TUT4: variants seen among roughly 807,000 people sequenced by gnomAD.
TUT4 encodes the protein terminal uridylyl transferase 4, also known as terminal uridylyltransferase 4.
TUT4 carries 36 observed loss-of-function variants against 192.2 expected under a neutral mutation model. The ratio of observed to expected loss-of-function variants is 0.19; its 90% confidence interval spans 0.14 to 0.25. The LOEUF is 0.25. TUT4 is among the 10% of genes least tolerant of loss of function. The pLI is 1.00. For missense variants in TUT4, 1,493 were observed against 1,957.2 expected (o/e 0.76, Z 4.47); for synonymous variants, 618 against 666.0 (o/e 0.93, Z 1.11).
chr1:52,447,234 G>A (rs1369070130), intron 20 of TUT4, among the ~76,000 whole-genome samples: 1 of 152,130 alleles, frequency 6.6e-6, no homozygotes, highest in Non-Finnish European at 1.5e-5. Context: ...TGGATCATGA[G>A]GTCAGGAGTT....
At chr1:52,490,661 A>C in intron 8 of TUT4, 71 bp downstream of exon 8, 1 of 1,353,664 alleles carries the variant, frequency 7.4e-7, no homozygotes, top group East Asian at 2.4e-5. Flanking sequence ...TTTTTCTCTT[A>C]AAGATCATTC....
chr1:52,472,127 A>T (rs1665931318), intron 13 of TUT4, 25 bp from the exon 14 acceptor site: 1 of 1,605,948 alleles, frequency 6.2e-7, no homozygotes, highest in South Asian at 1.1e-5. Context: ...AAAGAAATCT[A>T]ATCTAATAAA....
Position 52,552,748 on chromosome 1 carries a change from C to A in TUT4, c.-94+183G>T, listed in dbSNP as rs1689802690. Among the ~76,000 whole-genome samples the A allele has an allele frequency of 4.6e-5, 7 of 152,344 alleles. 1 individual carries two copies. In the South Asian group the frequency reaches 1.4e-3, roughly 32 times the overall value. On this transcript the variant is annotated intron_variant, in intron 1 of 29. Transcript: ENST00000257177. ...CTTATCTCAGCCTTCCCCTGGGACA[C>A]CCGAAGCCCGTTCCAGGAAAGAAAG...
At chr1:52,440,433 G>GT (rs908687717) in intron 24 of TUT4, among the ~76,000 whole-genome samples, 16,564 of 110,100 alleles carry the variant, frequency 0.15, 2,021 homozygotes, top group African/African-American at 0.36. Flanking sequence ...CCCATCCTGT[G>GT]TTTTTTTTTT....
At chr1:52,468,428 G>A in intron 14 of TUT4, 161 bp from the exon 15 acceptor site, 2 of 537,126 alleles carry the variant, frequency 3.7e-6, no homozygotes, top group Non-Finnish European at 6.3e-6. Flanking sequence ...GAAGGGTCTG[G>A]GAGATAGAAG....
At chr1:52,511,239 A>T (rs1263216168) in intron 3 of TUT4, among the ~76,000 whole-genome samples, 1 of 152,220 alleles carries the variant, frequency 6.6e-6, no homozygotes, top group Non-Finnish European at 1.5e-5. Context: ...ACAAGTAAAT[A>T]AGAAAAGTTG....
At chr1:52,541,843 T>C (rs141101744) in intron 1 of TUT4, among the ~76,000 whole-genome samples, 43 of 152,358 alleles carry the variant, frequency 2.8e-4, no homozygotes, top group Middle Eastern at 3.4e-3. Flanking sequence ...CAACAATTCC[T>C]ATTCTAAGTA....
At chr1:52,488,795 TC>T in intron 9 of TUT4, 113 bp downstream of exon 9, 1 of 1,141,294 alleles carries the variant, frequency 8.8e-7, no homozygotes, top group Non-Finnish European at 1.2e-6. Context: ...AACTACTTTC[TC>T]CCACATGTTA....
chr1:52,514,386 A>C (rs1321251416), intron 3 of TUT4, among the ~76,000 whole-genome samples: 3 of 152,224 alleles, frequency 2.0e-5, no homozygotes, highest in African/African-American at 7.2e-5. Flanking sequence ...GGTTGCAGTG[A>C]GCTGAGATCA....
chr1:52,543,351 A>G (rs1687217955), intron 1 of TUT4, among the ~76,000 whole-genome samples: 1 of 152,216 alleles, frequency 6.6e-6, no homozygotes, highest in Non-Finnish European at 1.5e-5. Context: ...ATCAAAAAGA[A>G]TAAAGTACTA....
At chr1:52,444,981 G>GTA (rs573044412) in intron 24 of TUT4, among the ~76,000 whole-genome samples, 4 of 149,642 alleles carry the variant, frequency 2.7e-5, no homozygotes, top group East Asian at 3.9e-4. Flanking sequence ...GTATATGTGT[G>GTA]TATATATATG....
At position 52,544,989 on chromosome 1, in the gene TUT4, C is replaced by A. The variant is rs374312424; in HGVS notation, c.-94+7942G>T. ...GATGATCTCTTGAGCCCAGGGAGGTCAAGGCTGCACTGAGCCATGATTGCG... is the reference window on the plus strand; with the variant it reads ...GATGATCTCTTGAGCCCAGGGAGGTAAAGGCTGCACTGAGCCATGATTGCG... On this transcript the variant is annotated intron_variant, in intron 1 of 29. Coordinates refer to ENST00000257177, the MANE Select transcript of TUT4 (RefSeq NM_001009881.3). Among the ~76,000 whole-genome samples, 9 of 149,140 alleles carry A rather than the reference C, an allele frequency of 6.0e-5. 1 individual carries two copies. The highest frequency in any genetic ancestry group is 2.3e-4 in the African/African-American group (9 of 39,968).
At chr1:52,550,139 C>G (rs1689040352) in intron 1 of TUT4, among the ~76,000 whole-genome samples, 1 of 152,140 alleles carries the variant, frequency 6.6e-6, no homozygotes, top group African/African-American at 2.4e-5. Flanking sequence ...GAAAAATACT[C>G]TGCAGAAATG....
chr1:52,523,018 A>G (rs1160351017), intron 2 of TUT4, among the ~76,000 whole-genome samples: 1 of 103,336 alleles, frequency 9.7e-6, no homozygotes, highest in Non-Finnish European at 1.9e-5. Flanking sequence ...TTTGAGACAG[A>G]CTCTCGCTCT....
intron 2 of TUT4, 111 bp downstream of exon 2, chr1:52,525,452 A>G (rs1055554036): frequency 2.2e-6 from 3 of 1,376,158 alleles, no homozygotes; most frequent in Non-Finnish European, 2.9e-6. Flanking sequence ...ATACGGGAAC[A>G]AAAGTGCTAA....
intron 19 of TUT4, 167 bp downstream of exon 19, chr1:52,460,967 C>T: frequency 2.4e-6 from 1 of 421,278 alleles, no homozygotes; most frequent in Non-Finnish European, 4.1e-6. Context: ...AAAGACAGAG[C>T]CACCCTACTC....
chr1:52,506,190 A>G (rs920264546), intron 4 of TUT4, among the ~76,000 whole-genome samples: 8 of 152,172 alleles, frequency 5.3e-5, no homozygotes, highest in Non-Finnish European at 1.2e-4. Flanking sequence ...TGACACATTC[A>G]TTCCTCTAAT....
chr1:52,453,382 CAAAA>C (rs555590629), intron 20 of TUT4, among the ~76,000 whole-genome samples: 1 of 131,646 alleles, frequency 7.6e-6, no homozygotes, highest in Admixed American at 7.8e-5. Flanking sequence ...AACTCCGTCT[CAAAA>C]AAAAAAAAGA....
At chr1:52,546,693 G>A (rs958597341) in intron 1 of TUT4, among the ~76,000 whole-genome samples, 6 of 151,862 alleles carry the variant, frequency 4.0e-5, no homozygotes, top group Admixed American at 2.6e-4. Flanking sequence ...GTTGTGTTAT[G>A]TATATTTTAC....
Sources: gnomAD v4.1 joint callset for allele counts (sites outside exome capture counted in the v4.1 genomes callset) on GRCh38, gnomAD v4.1.1 for gene constraint, MANE v1.5 for transcripts, NCBI Gene and HGNC (gene_info 2026-07-23, HGNC 2026-07-21) for gene names.